Variants in OSTN observed in about 807,000 individuals in gnomAD.
OSTN encodes the protein osteocrin.
OSTN carries 9 observed loss-of-function variants against 12.0 expected under a neutral mutation model. That is an observed-to-expected ratio of 0.75 (90% CI 0.45 to 1.30). The LOEUF (loss-of-function observed/expected upper bound fraction) is 1.30, where lower values mean the gene tolerates loss of function less well. OSTN is among the 50% of genes most tolerant of loss of function. The pLI, the probability that OSTN is intolerant of heterozygous loss-of-function variation, is 0.00. For missense variants in OSTN, 148 were observed against 152.3 expected (o/e 0.97, Z 0.15); for synonymous variants, 59 against 56.9 (o/e 1.04, Z -0.16).
chr3:191,229,524 G>A (rs1174196974), intron 3 of OSTN, among the ~76,000 whole-genome samples: 5 of 152,210 alleles, frequency 3.3e-5, no homozygotes, highest in South Asian at 2.1e-4. Flanking sequence ...ATGTGCACAT[G>A]GGAGTTTGTT....
chr3:191,219,038 A>T, intron 3 of OSTN, 77 bp downstream of exon 3: 1 of 1,309,134 alleles, frequency 7.6e-7, no homozygotes, highest in Non-Finnish European at 1.1e-6. Context: ...AGAATTCCAC[A>T]TGAAAAATAC....
At chr3:191,242,977 AC>A (rs887788054) in intron 3 of OSTN, among the ~76,000 whole-genome samples, 16 of 152,220 alleles carry the variant, frequency 1.1e-4, no homozygotes, top group South Asian at 8.3e-4. Flanking sequence ...GAAAAAAAAA[AC>A]ATTAGAAAAA....
chr3:191,208,073 G>A lies in OSTN; in HGVS notation c.1-4460G>A, dbSNP rs537198036. Among the ~76,000 whole-genome samples, 7 of 152,182 alleles carry A rather than the reference G, an allele frequency of 4.6e-5. No individual in the cohort carries two copies. In the South Asian group the frequency reaches 1.0e-3, roughly 23 times the overall value. ...TTCTTATAAGGCGGATTCCATGGTC[G>A]CTGTTTCTTTTGAAACTCCACACTA... On this transcript the variant is annotated intron_variant, in intron 1 of 4. Transcript: ENST00000682035.
intron 3 of OSTN, among the ~76,000 whole-genome samples, chr3:191,239,906 G>A (rs987714736): frequency 6.6e-6 from 1 of 151,898 alleles, no homozygotes; most frequent in African/African-American, 2.4e-5. Flanking sequence ...TCTTTTTATT[G>A]GAAAACAATG....
chr3:191,259,289 G>A (rs1299341395), intron 4 of OSTN, among the ~76,000 whole-genome samples: 2 of 151,414 alleles, frequency 1.3e-5, no homozygotes, highest in Non-Finnish European at 2.9e-5. Context: ...CCGCCTCCCA[G>A]ATCCAAGAAA....
chr3:191,242,117 A>G (rs1176232837), intron 3 of OSTN, among the ~76,000 whole-genome samples: 2 of 152,224 alleles, frequency 1.3e-5, no homozygotes, highest in Admixed American at 1.3e-4. Context: ...AAATCACATC[A>G]TCTCTATAGA....
At chr3:191,259,912 T>C (rs1162218335) in intron 4 of OSTN, among the ~76,000 whole-genome samples, 1 of 148,206 alleles carries the variant, frequency 6.7e-6, no homozygotes, top group Non-Finnish European at 1.5e-5. Flanking sequence ...TGGAGCGCAG[T>C]GGTACAATCT....
At chr3:191,201,152 T>C (rs1381892343) in intron 1 of OSTN, among the ~76,000 whole-genome samples, 1 of 152,118 alleles carries the variant, frequency 6.6e-6, no homozygotes, top group Non-Finnish European at 1.5e-5. Context: ...CAGATAAGTG[T>C]CACGGTACAT....
chr3:191,237,403 A>G (rs893835967), intron 3 of OSTN, among the ~76,000 whole-genome samples: 6 of 152,216 alleles, frequency 3.9e-5, no homozygotes, highest in Non-Finnish European at 8.8e-5. Context: ...ACTGAGGGGC[A>G]TAAAGCAGAA....
rs1188433352 is a variant in OSTN at position 191,232,661 on chromosome 3, T to C, written c.317+13700T>C. 2.0e-5 allele frequency among the ~76,000 whole-genome samples: 3 copies of C among 149,466 alleles called. No homozygotes were observed. In the East Asian group the frequency reaches 5.9e-4, roughly 29 times the overall value. On this transcript the variant is annotated intron_variant, in intron 3 of 4. Coordinates refer to ENST00000682035, the MANE Select transcript of OSTN (RefSeq NM_198184.2). Reference sequence around the variant, plus strand: ...TGTTGCCCAGGCTGGAGTGCAATGGTGAGATCTCGGCTCACTGCTCCCTCC... The same window carrying C: ...TGTTGCCCAGGCTGGAGTGCAATGGCGAGATCTCGGCTCACTGCTCCCTCC...
intron 3 of OSTN, among the ~76,000 whole-genome samples, chr3:191,245,236 G>A (rs956889094): frequency 2.6e-5 from 4 of 152,178 alleles, no homozygotes; most frequent in African/African-American, 9.7e-5. Flanking sequence ...TGAACCCTGA[G>A]AGGTAACCTT....
chr3:191,231,974 C>G (rs1474132011), intron 3 of OSTN, among the ~76,000 whole-genome samples: 1 of 151,788 alleles, frequency 6.6e-6, no homozygotes, highest in Non-Finnish European at 1.5e-5. Flanking sequence ...AAAACATATA[C>G]ATAAAATATT....
At chr3:191,230,066 C>CAATAAATA (rs71937483) in intron 3 of OSTN, among the ~76,000 whole-genome samples, 5,157 of 146,102 alleles carry the variant, frequency 0.035, 175 homozygotes, top group African/African-American at 0.087. Context: ...GACTCAGTCT[C>CAATAAATA]AATAAATAAA....
chr3:191,221,113 T>A (rs1164476119), intron 3 of OSTN, among the ~76,000 whole-genome samples: 13 of 152,228 alleles, frequency 8.5e-5, no homozygotes, highest in Non-Finnish European at 1.6e-4. Context: ...TTCGCTCTGC[T>A]CTTCTCCTTG....
intron 1 of OSTN, among the ~76,000 whole-genome samples, chr3:191,204,870 A>G (rs933331312): frequency 2.0e-5 from 3 of 152,198 alleles, no homozygotes; most frequent in African/African-American, 7.2e-5. Context: ...TTTTGTGTTC[A>G]TAGAAAAAAA....
chr3:191,240,508 A>G (rs1286371392), intron 3 of OSTN, among the ~76,000 whole-genome samples: 1 of 152,224 alleles, frequency 6.6e-6, no homozygotes, highest in Non-Finnish European at 1.5e-5. Flanking sequence ...TCATGGTATT[A>G]GATATCTATT....
At chr3:191,234,182 A>G (rs1715130440) in intron 3 of OSTN, among the ~76,000 whole-genome samples, 1 of 152,176 alleles carries the variant, frequency 6.6e-6, no homozygotes, top group South Asian at 2.1e-4. Context: ...TAGGTCAGTA[A>G]AGCAAGAAAT....
chr3:191,212,640 G>A lies in OSTN; in HGVS notation c.102+6G>A. ...TAGATGTAACAACAACAGAGGTAATGGAAACTAGCTTACAGAAATAAATAT... is the reference window on the plus strand; with the variant it reads ...TAGATGTAACAACAACAGAGGTAATAGAAACTAGCTTACAGAAATAAATAT... On this transcript the variant is annotated splice_donor_region_variant and intron_variant, in intron 2 of 4. Transcript: ENST00000682035. The A allele has an allele frequency of 6.9e-7, 1 of 1,448,868 alleles. No homozygotes were observed. The highest frequency in any genetic ancestry group is 1.5e-5 in the South Asian group (1 of 67,504). 89.8% of individuals were successfully genotyped at this position (1,448,868 alleles called of 1,614,324 possible).
intron 3 of OSTN, among the ~76,000 whole-genome samples, chr3:191,225,863 C>T (rs1264323840): frequency 3.3e-5 from 5 of 152,094 alleles, no homozygotes; most frequent in African/African-American, 1.2e-4. Context: ...AAACTACCTA[C>T]TGAGTATTAT....
Sources: gnomAD v4.1 joint callset for allele counts (sites outside exome capture counted in the v4.1 genomes callset) on GRCh38, gnomAD v4.1.1 for gene constraint, MANE v1.5 for transcripts, NCBI Gene and HGNC (gene_info 2026-07-23, HGNC 2026-07-21) for gene names.